The following ALPK2 variants were observed in gnomAD, a reference collection of about 807,000 sequenced individuals.
The protein encoded by ALPK2 is alpha-protein kinase 2.
A neutral mutation model predicts 163.1 loss-of-function variants in ALPK2; 127 were observed. That is an observed-to-expected ratio of 0.78 (90% CI 0.67 to 0.90). The LOEUF is 0.90. ALPK2 is among the 40% of genes least tolerant of loss of function. The pLI is 0.00. For synonymous variants in ALPK2, 953 were observed against 959.1 expected, an observed-to-expected ratio of 0.99 and a Z score of 0.12; for missense variants, 2,360 against 2,589.6, an observed-to-expected ratio of 0.91 and a Z score of 1.92.
chr18:58,499,000 T>TG (rs1218757397), intron 11 of ALPK2, among the ~76,000 whole-genome samples: 1 of 152,190 alleles, frequency 6.6e-6, no homozygotes, highest in Non-Finnish European at 1.5e-5. Flanking sequence ...AAAGATCGTT[T>TG]TTCAATTCAG....
rs754340841 is a variant in ALPK2, at chr18:58,580,065, G to T, written c.711C>A (p.Ser237=). 57 of 1,614,118 alleles carry T rather than the reference G, an allele frequency of 3.5e-5. No homozygotes were observed. The highest frequency in any genetic ancestry group is 2.1e-5 in the Non-Finnish European group (25 of 1,180,054). ...CACCATCCGTGAACTTTGATGCCAT[G>T]GAATGCACTGTCTTGTGGCAACATC... is the stretch of plus-strand genomic sequence containing the variant. ...QDRCCHKTVH[S]MASKFTDGDL... is the part of the protein sequence containing the mutation. The change falls in exon 4 of 13, where the codon TCC becomes TCA. Residue 237 remains serine (S), a synonymous_variant. Transcript: ENST00000361673.
chr18:58,498,001 C>A, intron 12 of ALPK2, 48 bp downstream of exon 12: 1 of 1,581,948 alleles, frequency 6.3e-7, no homozygotes. Flanking sequence ...TGGAAGGTGT[C>A]TGTAAGCCCA....
chr18:58,548,389 C>T (rs759807893), intron 4 of ALPK2, among the ~76,000 whole-genome samples: 4 of 151,178 alleles, frequency 2.6e-5, no homozygotes, highest in Admixed American at 6.6e-5. Context: ...GGTGCGATCT[C>T]GGCTTATAGC....
intron 4 of ALPK2, chr18:58,545,028 CCTT>C (rs2051710220): frequency 6.6e-6 from 1 of 152,328 alleles, no homozygotes; most frequent in Non-Finnish European, 1.5e-5. Context: ...CCTATCCCCT[CCTT>C]CTTCCTTCAA....
rs372177872 is a variant in ALPK2 at position 58,547,102 on chromosome 18, A to G, written c.1963-8878T>C. On this transcript the variant is annotated intron_variant, in intron 4 of 12. Transcript: ENST00000361673. ...CTGTAGAGAAGTCACCAGGTCTCTC[A>G]GAGTCTTTCTTCCACAGTAAAGTAA... is the stretch of plus-strand genomic sequence containing the variant. Among the ~76,000 whole-genome samples, 5 of 152,200 alleles carry G rather than the reference A, an allele frequency of 3.3e-5. No homozygotes were observed. The East Asian group carries it at 5.8e-4, about 18-fold the overall frequency.
At chr18:58,620,166 A>G (rs928390354) in intron 1 of ALPK2, among the ~76,000 whole-genome samples, 2 of 152,154 alleles carry the variant, frequency 1.3e-5, no homozygotes, top group African/African-American at 4.8e-5. Flanking sequence ...TGTCGGGTGC[A>G]TGAAATCTCA....
At position 58,536,487 on chromosome 18, in the gene ALPK2, T is replaced by G; in HGVS notation, c.3700A>C (p.Asn1234His). The change falls in exon 5 of 13, where the codon AAC (asparagine) becomes CAC (histidine). Residue 1234 changes from asparagine (N) to histidine (H), a missense_variant. By Grantham distance (68) the Asn-to-His change is moderately conservative. Coordinates refer to ENST00000361673, the MANE Select transcript of ALPK2 (RefSeq NM_052947.4). ...TCTAGAGTTATAATCTTCAGCTTGT[T>G]GCCTGCCTCCCAATTTCCAGGTCTA... Reference protein sequence around the residue: ...EYRPGNWEAGNKLKIITLEAS... With the variant: ...EYRPGNWEAGHKLKIITLEAS... 1 of 1,614,020 alleles carries G rather than the reference T, an allele frequency of 6.2e-7. No individual in the cohort carries two copies. Among genetic ancestry groups the G allele is most frequent in the Non-Finnish European group, 8.5e-7 (1 of 1,180,024 alleles).
At chr18:58,593,807 G>A (rs1327614287) in intron 3 of ALPK2, among the ~76,000 whole-genome samples, 1 of 151,956 alleles carries the variant, frequency 6.6e-6, no homozygotes, top group African/African-American at 2.4e-5. Flanking sequence ...GAACCTGGGA[G>A]GCAGAGGTTG....
Position 58,537,001 on chromosome 18 carries a change from A to G in ALPK2, c.3186T>C (p.Ser1062=). The G allele has an allele frequency of 6.2e-7, 1 of 1,614,182 alleles. No homozygotes were observed. Among genetic ancestry groups the G allele is most frequent in the South Asian group, 1.1e-5 (1 of 91,084 alleles). ...PSQVQLDHIL[S]GATIKSTKEL... ...CTTTTGTAGATTTGATGGTAGCACC[A>G]CTTAAAATATGATCCAACTGCACTT... The change falls in exon 5 of 13, where the codon AGT becomes AGC. Residue 1062 remains serine (S), a synonymous_variant. Coordinates refer to ENST00000361673, the MANE Select transcript of ALPK2 (RefSeq NM_052947.4).
At chr18:58,578,739 CA>C in intron 4 of ALPK2, 74 bp downstream of exon 4, 1 of 1,229,148 alleles carries the variant, frequency 8.1e-7, no homozygotes. Context: ...AAGAGACACA[CA>C]CACACACACA....
chr18:58,535,577 G>T lies in ALPK2; in HGVS notation c.4610C>A (p.Pro1537His), dbSNP rs2051640410. 2 of 1,614,068 alleles carry T rather than the reference G, an allele frequency of 1.2e-6. No homozygotes were observed. Among genetic ancestry groups the T allele is most frequent in the African/African-American group, 2.7e-5 (2 of 74,930 alleles). ...SKKDKAELIS[P>H]TSPLSSCLPI... is the part of the protein sequence containing the mutation. The stretch of plus-strand genomic sequence containing the variant: ...AAGACAACTAGAAAGAGGTGAAGTG[G>T]GGGAAATCAATTCTGCTTTGTCCTT... Residue 1537 changes from proline (P) to histidine (H), a missense_variant, in exon 5 of 13, where the codon CCC becomes CAC. Pro to His is a moderately conservative substitution (Grantham distance 77). Transcript: ENST00000361673.
At chr18:58,616,935 G>T (rs760720500) in intron 1 of ALPK2, among the ~76,000 whole-genome samples, 4 of 152,082 alleles carry the variant, frequency 2.6e-5, no homozygotes, top group Non-Finnish European at 4.4e-5. Context: ...TAGCCTTGGG[G>T]ACTGGGCCCA....
At chr18:58,612,545 CAGAG>C (rs2052138497) in intron 1 of ALPK2, among the ~76,000 whole-genome samples, 3 of 152,202 alleles carry the variant, frequency 2.0e-5, no homozygotes, top group African/African-American at 7.2e-5. Context: ...ACCTGAGACT[CAGAG>C]AGGTTCAACA....
At chr18:58,597,869 C>A (rs2052048858) in intron 3 of ALPK2, among the ~76,000 whole-genome samples, 1 of 152,152 alleles carries the variant, frequency 6.6e-6, no homozygotes, top group Non-Finnish European at 1.5e-5. Flanking sequence ...GGATTAGTGC[C>A]CTTAGAAGAG....
chr18:58,579,493 C>A lies in ALPK2; in HGVS notation c.1283G>T (p.Gly428Val). The change falls in exon 4 of 13, where the codon GGG becomes GTG. Residue 428 changes from glycine (G) to valine (V), a missense_variant. Coordinates refer to ENST00000361673, the MANE Select transcript of ALPK2 (RefSeq NM_052947.4). ...GTGAGGTCCCAAAATGAGAGTCATC[C>A]CTGTTTGTGGGGATGAGGGACCGTG... ...SKHGPSSPQTGMTLILGPHQD... is the reference protein window; with the variant it reads ...SKHGPSSPQTVMTLILGPHQD... 6.2e-7 allele frequency: 1 copy of A among 1,614,024 alleles called. No individual in the cohort carries two copies. Among genetic ancestry groups the A allele is most frequent in the East Asian group, 2.2e-5 (1 of 44,878 alleles).
chr18:58,529,311 A>G (rs896274145), intron 5 of ALPK2, 73 bp from the exon 6 acceptor site: 1 of 1,372,712 alleles, frequency 7.3e-7, no homozygotes. Flanking sequence ...TCTCATAACA[A>G]TCCTGAGAGA....
At chr18:58,593,984 G>A (rs1375577554) in intron 3 of ALPK2, among the ~76,000 whole-genome samples, 1 of 149,278 alleles carries the variant, frequency 6.7e-6, no homozygotes, top group East Asian at 1.9e-4. Flanking sequence ...GCAGCATAAT[G>A]GGGTGAAACC....
chr18:58,596,790 G>A (rs2052043381), intron 3 of ALPK2, among the ~76,000 whole-genome samples: 1 of 152,040 alleles, frequency 6.6e-6, no homozygotes, highest in Non-Finnish European at 1.5e-5. Context: ...ACCCCTGGAT[G>A]CGTTGTGTTA....
intron 4 of ALPK2, chr18:58,566,464 A>T (rs2051853684): frequency 6.6e-6 from 1 of 152,162 alleles, no homozygotes; most frequent in African/African-American, 2.4e-5. Flanking sequence ...CCTTTCAGAG[A>T]TGCAAATTCA....
Sources: allele counts gnomAD v4.1 joint callset (sites outside exome capture counted in the v4.1 genomes callset), GRCh38; gene constraint gnomAD v4.1.1; transcripts MANE v1.5; gene names NCBI Gene and HGNC (gene_info 2026-07-23, HGNC 2026-07-21).